SH3TC1: variants seen among roughly 807,000 people sequenced by gnomAD.
SH3TC1 encodes the protein SH3 domain and tetratricopeptide repeats 1.
In SH3TC1, 135 loss-of-function variants were observed where a neutral mutation model predicts 117.3. The observed-to-expected ratio is 1.15, with a 90% confidence interval of 1.00 to 1.33. The LOEUF is 1.33. SH3TC1 is among the 40% of genes most tolerant of loss of function. The probability of loss-of-function intolerance (pLI) is 0.00; values close to 1 mark genes in which losing one functional copy is unlikely to be tolerated. For missense variants in SH3TC1, 2,092 were observed against 1,794.3 expected (o/e 1.17, Z -3.00); for synonymous variants, 898 against 816.9 (o/e 1.10, Z -1.69).
At chr4:8,200,128 T>A (rs1717733032) in intron 1 of SH3TC1, among the ~76,000 whole-genome samples, 1 of 151,914 alleles carries the variant, frequency 6.6e-6, no homozygotes, top group African/African-American at 2.4e-5. Flanking sequence ...GAGGCTCAGA[T>A]GAGATGAATA....
chr4:8,203,930 G>C (rs1281128), intron 1 of SH3TC1, among the ~76,000 whole-genome samples: 94,093 of 152,094 alleles, frequency 0.62, 30,407 homozygotes, highest in Non-Finnish European at 0.71. Context: ...TGGGAGATGG[G>C]GATAAGGACA....
Position 8,219,324 on chromosome 4 carries a change from T to G in SH3TC1, c.917-11T>G. 6.4e-7 allele frequency: 1 copy of G among 1,568,630 alleles called. No homozygotes were observed. On this transcript the variant is annotated splice_polypyrimidine_tract_variant and intron_variant, in intron 8 of 17. Coordinates refer to ENST00000245105, the MANE Select transcript of SH3TC1 (RefSeq NM_018986.5). ...TCTCCCTGGCACTCACCATGTGGCT[T>G]TCTTCCGCAGCTGTGGGCCTGGCCT... is the stretch of plus-strand genomic sequence containing the variant.
intron 17 of SH3TC1, among the ~76,000 whole-genome samples, chr4:8,239,248 G>GACAC (rs57041483): frequency 6.0e-5 from 9 of 150,280 alleles, no homozygotes; most frequent in African/African-American, 1.5e-4. Flanking sequence ...CACGCACAGG[G>GACAC]ACACACACAC....
At position 8,182,868 on chromosome 4, in the gene SH3TC1, C is replaced by T. The variant is rs377232076; in HGVS notation, c.-57+658C>T. On this transcript the variant is annotated intron_variant, in intron 1 of 16. Transcript: ENST00000508641. ...GGGGTTCCAGTGGCTCTCTGCATCT[C>T]CGAAGCCTCAGTCCCCCTCATGGGG... is the stretch of plus-strand genomic sequence containing the variant. Among the ~76,000 whole-genome samples, 13 of 152,328 alleles carry T rather than the reference C, an allele frequency of 8.5e-5. No individual in the cohort carries two copies. The South Asian group carries it at 1.0e-3, about 12-fold the overall frequency.
At chr4:8,237,363 G>C (rs992276398) in intron 16 of SH3TC1, 111 bp from the exon 17 acceptor site, 3 of 921,296 alleles carry the variant, frequency 3.3e-6, no homozygotes, top group Non-Finnish European at 3.1e-6. Flanking sequence ...GGACTGGCCA[G>C]AACTGCCCAG....
intron 16 of SH3TC1, 40 bp from the exon 17 acceptor site, chr4:8,237,434 A>T (rs1216474194): frequency 1.4e-6 from 2 of 1,389,206 alleles, no homozygotes; most frequent in Non-Finnish European, 9.4e-7. Context: ...TGCCCCGGGG[A>T]GCCACGTCCT....
At chr4:8,233,260 C>A in intron 13 of SH3TC1, 103 bp from the exon 14 acceptor site, 4 of 1,490,698 alleles carry the variant, frequency 2.7e-6, no homozygotes. Flanking sequence ...GAGGGCCGTT[C>A]CCAGTCCCAT....
rs2291070 is a variant in SH3TC1 at position 8,216,357 on chromosome 4, G to A, written c.628+100G>A. On this transcript the variant is annotated intron_variant, in intron 6 of 17. Transcript: ENST00000245105. The stretch of plus-strand genomic sequence containing the variant: ...TCCCGCTGTGCTGAGCATGTCTGGG[G>A]CTGTGGGCTGCGGAGCCTCTGGAGG... 61 of 1,487,924 alleles carry A rather than the reference G, an allele frequency of 4.1e-5. 1 individual carries two copies. The East Asian group carries it at 1.1e-3, about 27-fold the overall frequency. 92.2% of individuals were successfully genotyped at this position (1,487,924 alleles called of 1,614,324 possible). A position where few individuals can be genotyped will look rare whatever the true frequency, so the allele number is the denominator to read the frequency against.
At chr4:8,188,115 C>T (rs1428741614) in intron 1 of SH3TC1, among the ~76,000 whole-genome samples, 3 of 152,226 alleles carry the variant, frequency 2.0e-5, no homozygotes, top group East Asian at 1.9e-4. Context: ...AAATATTTCA[C>T]GTGTGGAGGC....
intron 3 of SH3TC1, among the ~76,000 whole-genome samples, chr4:8,212,194 A>G (rs1289778235): frequency 1.3e-5 from 2 of 152,074 alleles, no homozygotes; most frequent in African/African-American, 4.8e-5. Flanking sequence ...TGAGATTTCC[A>G]AGGTGCTTGT....
At chr4:8,194,374 A>G (rs146653375), upstream of SH3TC1, among the ~76,000 whole-genome samples, 218 of 152,290 alleles carry the variant, frequency 1.4e-3, no homozygotes, top group African/African-American at 4.9e-3. Flanking sequence ...TTCCCAGGCC[A>G]TCGTGGCCAT....
rs747258445 is a variant in SH3TC1, at chr4:8,237,661, C to T, written c.3744C>T (p.Tyr1248=). ...TGGTGCTCGGTGACATCATCTTCTA[C>T]GACCTGAAGGTGGGTGGGGAGGGGC... ...VYLVLGDIIF[Y]DLKDPFDAAG... is the part of the protein sequence containing the mutation. The change falls in exon 17 of 18, where the codon TAC becomes TAT. Residue 1248 remains tyrosine (Y), a synonymous_variant. Coordinates refer to ENST00000245105, the MANE Select transcript of SH3TC1 (RefSeq NM_018986.5). 41 of 1,602,856 alleles carry T rather than the reference C, an allele frequency of 2.6e-5. No homozygotes were observed. The African/African-American group carries it at 2.8e-4, about 11-fold the overall frequency.
chr4:8,227,850 G>C lies in SH3TC1; in HGVS notation c.2156G>C (p.Arg719Pro), dbSNP rs201295499. ...CYLLLADIYS[R>P]KCLPHLVLSC... The stretch of plus-strand genomic sequence containing the variant: ...CTACTCCTGGCTGACATCTACAGCC[G>C]CAAGTGCCTGCCCCACCTGGTGCTG... The change falls in exon 12 of 18, where the codon CGC becomes CCC. Residue 719 changes from arginine (R) to proline (P), a missense_variant. Physicochemically the swap from Arg to Pro is moderately radical, Grantham distance 103. Transcript: ENST00000245105. 1.9e-6 allele frequency: 3 copies of C among 1,612,794 alleles called. No individual in the cohort carries two copies. Among genetic ancestry groups the C allele is most frequent in the East Asian group, 2.2e-5 (1 of 44,878 alleles).
rs2152991520 is a variant in SH3TC1, at chr4:8,227,392, G to A, written c.1698G>A (p.Leu566=). 6.4e-7 allele frequency: 1 copy of A among 1,553,548 alleles called. No homozygotes were observed. Among genetic ancestry groups the A allele is most frequent in the South Asian group, 1.2e-5 (1 of 81,712 alleles). ...CCCTGGCCAGGCTCTGCTTCCTCCT[G>A]GGGCGGCTGTGCAGCAGGAGGCTCA... ...LMALARLCFL[L]GRLCSRRLKL... is the part of the protein sequence containing the mutation. The change falls in exon 12 of 18, where the codon CTG becomes CTA. Residue 566 remains leucine, a synonymous_variant. Transcript: ENST00000245105.
At chr4:8,219,203 G>C (rs1364929952) in intron 8 of SH3TC1, 132 bp from the exon 9 acceptor site, 1 of 876,278 alleles carries the variant, frequency 1.1e-6, no homozygotes, top group Non-Finnish European at 1.7e-6. Flanking sequence ...CGGAAACCAA[G>C]CTTTACTACG....
At chr4:8,226,182 T>G (rs1326957776) in intron 11 of SH3TC1, among the ~76,000 whole-genome samples, 4 of 152,214 alleles carry the variant, frequency 2.6e-5, no homozygotes, top group Non-Finnish European at 5.9e-5. Flanking sequence ...TAATGTCTCC[T>G]TTCGTCCCAG....
chr4:8,222,830 T>C lies in SH3TC1; in HGVS notation c.1113-10T>C. The C allele has an allele frequency of 1.2e-6, 2 of 1,608,052 alleles. No individual in the cohort carries two copies. The highest frequency in any genetic ancestry group is 1.7e-6 in the Non-Finnish European group (2 of 1,174,884). Reference sequence around the variant, plus strand: ...ATGTTGTTTTGAATAAAGCACTTTATTTTTTCCAGGTTGGAAAGTGCGATT... The same window carrying C: ...ATGTTGTTTTGAATAAAGCACTTTACTTTTTCCAGGTTGGAAAGTGCGATT... On this transcript the variant is annotated splice_polypyrimidine_tract_variant and intron_variant, in intron 9 of 17. Coordinates refer to ENST00000245105, the MANE Select transcript of SH3TC1 (RefSeq NM_018986.5).
At chr4:8,191,569 G>A (rs73798646) in intron 1 of SH3TC1, among the ~76,000 whole-genome samples, 3,085 of 152,294 alleles carry the variant, frequency 0.02, 107 homozygotes, top group African/African-American at 0.07. Flanking sequence ...ATAGGGCACC[G>A]TCCTAGCCCT....
At chr4:8,233,875 A>T (rs1721500063) in intron 14 of SH3TC1, among the ~76,000 whole-genome samples, 1 of 144,908 alleles carries the variant, frequency 6.9e-6, no homozygotes, top group Non-Finnish European at 1.5e-5. Context: ...TTCACCTATC[A>T]TCCTTCCATT....
Sources: gnomAD v4.1 joint callset for allele counts (sites outside exome capture counted in the v4.1 genomes callset) on GRCh38, gnomAD v4.1.1 for gene constraint, MANE v1.5 for transcripts, NCBI Gene and HGNC (gene_info 2026-07-23, HGNC 2026-07-21) for gene names.